Variants in SLC7A9 observed in about 807,000 individuals in gnomAD.
The protein encoded by SLC7A9 is solute carrier family 7 member 9, also known as B(0,+)-type amino acid transporter 1.
In SLC7A9, 38 loss-of-function variants were observed where a neutral mutation model predicts 54.1. That is an observed-to-expected ratio of 0.70 (90% CI 0.54 to 0.92). SLC7A9 has a LOEUF of 0.92. SLC7A9 is among the 40% of genes least tolerant of loss of function. SLC7A9 has a pLI of 0.00. For missense variants in SLC7A9, 537 were observed against 636.1 expected (o/e 0.84, Z 1.68); for synonymous variants, 264 against 258.9 (o/e 1.02, Z -0.19).
At position 32,847,018 on chromosome 19, in the gene SLC7A9, C is replaced by T. The variant is rs557093168; in HGVS notation, c.978-3067G>A. Among the ~76,000 whole-genome samples the T allele has an allele frequency of 6.6e-5, 10 of 152,316 alleles. No homozygotes were observed. The South Asian group carries it at 1.9e-3, about 28-fold the overall frequency. On this transcript the variant is annotated intron_variant, in intron 9 of 12. Transcript: ENST00000023064. ...AACTAACAAACAGAAAGGACATCCA[C>T]ACCAAAAACCCATCTGTACATCACC...
intron 1 of SLC7A9, among the ~76,000 whole-genome samples, chr19:32,869,340 C>G (rs1309710377): frequency 6.6e-6 from 1 of 152,164 alleles, no homozygotes; most frequent in Non-Finnish European, 1.5e-5. Flanking sequence ...AAGGCACTCC[C>G]ATACATCACA....
intron 9 of SLC7A9, among the ~76,000 whole-genome samples, chr19:32,857,866 C>A (rs960234842): frequency 6.6e-6 from 1 of 152,160 alleles, no homozygotes; most frequent in Non-Finnish European, 1.5e-5. Context: ...TGGAACATGA[C>A]CATGGCTGTT....
At chr19:32,867,352 T>C (rs1453737573) in intron 2 of SLC7A9, among the ~76,000 whole-genome samples, 1 of 151,730 alleles carries the variant, frequency 6.6e-6, no homozygotes, top group Non-Finnish European at 1.5e-5. Context: ...AAGAATTTTT[T>C]TGAAAAGTTA....
intron 4 of SLC7A9, among the ~76,000 whole-genome samples, chr19:32,863,248 A>G (rs561277031): frequency 1.4e-3 from 216 of 152,122 alleles, no homozygotes; most frequent in African/African-American, 4.9e-3. Flanking sequence ...AGTAGCTGGG[A>G]TTACAGGCAT....
chr19:32,834,160 C>T (rs2055623358), intron 11 of SLC7A9, among the ~76,000 whole-genome samples: 1 of 152,172 alleles, frequency 6.6e-6, no homozygotes, highest in African/African-American at 2.4e-5. Context: ...GAACCCCTCA[C>T]ACTGTCCTGG....
chr19:32,834,161 A>G (rs184118626), intron 11 of SLC7A9, among the ~76,000 whole-genome samples: 5 of 152,274 alleles, frequency 3.3e-5, no homozygotes, highest in African/African-American at 9.6e-5. Flanking sequence ...AACCCCTCAC[A>G]CTGTCCTGGG....
intron 11 of SLC7A9, among the ~76,000 whole-genome samples, chr19:32,837,752 C>T (rs147093110): frequency 2.0e-5 from 3 of 152,152 alleles, no homozygotes; most frequent in South Asian, 2.1e-4. Flanking sequence ...TACGCCTACA[C>T]GTGATTTTGA....
chr19:32,839,107 A>G (rs564032622), intron 11 of SLC7A9, among the ~76,000 whole-genome samples: 22 of 152,096 alleles, frequency 1.4e-4, no homozygotes, highest in Non-Finnish European at 2.8e-4. Flanking sequence ...TCTCTCGTCC[A>G]TGTTTTTGTA....
intron 9 of SLC7A9, among the ~76,000 whole-genome samples, chr19:32,844,698 G>T (rs1039140940): frequency 6.6e-6 from 1 of 151,492 alleles, no homozygotes; most frequent in Non-Finnish European, 1.5e-5. Flanking sequence ...GGGCATGGTG[G>T]TGCACACCTG....
intron 10 of SLC7A9, 41 bp downstream of exon 10, chr19:32,843,814 C>A: frequency 1.3e-6 from 2 of 1,482,248 alleles, no homozygotes; most frequent in Non-Finnish European, 1.9e-6. Flanking sequence ...GATGGAGTGT[C>A]CCCGCCTTGA....
At chr19:32,834,578 A>C (rs10414893) in intron 11 of SLC7A9, among the ~76,000 whole-genome samples, 72,884 of 151,688 alleles carry the variant, frequency 0.48, 19,119 homozygotes, top group East Asian at 0.72. Context: ...TGCAGTGAGC[A>C]AAGAATGTGC....
At chr19:32,860,188 C>A (rs1219548680) in intron 7 of SLC7A9, 12 of 1,484,256 alleles carry the variant, frequency 8.1e-6, no homozygotes, top group African/African-American at 1.4e-5. Flanking sequence ...GAAGACCAAG[C>A]TCTTCCCTCC....
Position 32,864,627 on chromosome 19 carries a change from A to T in SLC7A9, c.235+2T>A. On this transcript the variant is annotated splice_donor_variant, in intron 3 of 12. Transcript: ENST00000023064. LOFTEE classifies it high-confidence loss of function. ...CTGCAACAGGCTCCCAAGTCTCTTT[A>T]CCCAGCGTCGCGAGGACCCCGCAAG... The T allele has an allele frequency of 6.2e-7, 1 of 1,612,980 alleles. No homozygotes were observed. Among genetic ancestry groups the T allele is most frequent in the Non-Finnish European group, 8.5e-7 (1 of 1,179,976 alleles).
At chr19:32,855,637 G>T (rs759910476) in intron 9 of SLC7A9, among the ~76,000 whole-genome samples, 4 of 152,056 alleles carry the variant, frequency 2.6e-5, no homozygotes. Context: ...GGGAGGTGGA[G>T]CTTGCAGTGA....
In SLC7A9 at chr19:32,860,110, T is replaced by C. The variant is rs997549734; in HGVS notation, c.750-146A>G. ...ATAAGACATTTTCAAATGAGAATGC[T>C]GCCTCTCTCAGACTCCAGAGCAGTT... On this transcript the variant is annotated intron_variant, in intron 7 of 12. Coordinates refer to ENST00000023064, the MANE Select transcript of SLC7A9 (RefSeq NM_014270.5). The C allele has an allele frequency of 5.1e-6, 8 of 1,553,522 alleles. No individual in the cohort carries two copies. The Admixed American group carries it at 1.2e-4, about 23-fold the overall frequency.
chr19:32,833,084 CA>C (rs1967852539), intron 12 of SLC7A9, 64 bp downstream of exon 12: 8 of 1,465,406 alleles, frequency 5.5e-6, no homozygotes, highest in Non-Finnish European at 7.6e-6. Context: ...GGAGTCAGGA[CA>C]GGTGAGGACG....
At position 32,841,743 on chromosome 19, in the gene SLC7A9, C is replaced by G. The variant is rs558084060; in HGVS notation, c.1224+425G>C. On this transcript the variant is annotated intron_variant, in intron 11 of 12. Coordinates refer to ENST00000023064, the MANE Select transcript of SLC7A9 (RefSeq NM_014270.5). ...CCAACATGGTAAAACCCCATCTCTA[C>G]TAAAAATACAAAAATTAGCCAGGCG... is the stretch of plus-strand genomic sequence containing the variant. Among the ~76,000 whole-genome samples, 37 of 152,202 alleles carry G rather than the reference C, an allele frequency of 2.4e-4. No homozygotes were observed. In the East Asian group the frequency reaches 7.1e-3, roughly 29 times the overall value.
chr19:32,833,368 A>T lies in SLC7A9; in HGVS notation c.1225-45T>A, dbSNP rs754906513. The T allele has an allele frequency of 6.1e-5, 98 of 1,601,114 alleles. 1 individual carries two copies. In the East Asian group the frequency reaches 2.1e-3, roughly 35 times the overall value. ...CATGGGTACCCATTTTCTTTTTGAA[A>T]TTTTTCATGATAAAAAACCGATTTT... On this transcript the variant is annotated intron_variant, in intron 11 of 12. Transcript: ENST00000023064.
chr19:32,846,585 C>T (rs972505131), intron 9 of SLC7A9, among the ~76,000 whole-genome samples: 1 of 152,236 alleles, frequency 6.6e-6, no homozygotes, highest in African/African-American at 2.4e-5. Context: ...GGCTCCACCT[C>T]TGGGGGCAGG....
Sources: gnomAD v4.1 joint callset for allele counts (sites outside exome capture counted in the v4.1 genomes callset) on GRCh38, gnomAD v4.1.1 for gene constraint, MANE v1.5 for transcripts, NCBI Gene and HGNC (gene_info 2026-07-23, HGNC 2026-07-21) for gene names.